Variants in PHF2 observed in about 807,000 individuals in gnomAD.
PHF2 encodes lysine-specific demethylase PHF2.
In PHF2, 27 loss-of-function variants were observed where a neutral mutation model predicts 120.5. The observed-to-expected ratio is 0.22, with a 90% CI of 0.17 to 0.31. PHF2 has a LOEUF of 0.31. Among genes scored for constraint, PHF2 ranks in the 10% least tolerant of loss-of-function variants. The probability of loss-of-function intolerance (pLI) is 1.00; values close to 1 mark genes in which losing one functional copy is unlikely to be tolerated. For synonymous variants in PHF2, 568 were observed against 592.5 expected, an observed-to-expected ratio of 0.96 and a Z score of 0.60; for missense variants, 1,024 against 1,434.8, an observed-to-expected ratio of 0.71 and a Z score of 4.63.
chr9:93,613,733 TG>T (rs1389942619), intron 1 of PHF2, among the ~76,000 whole-genome samples: 3 of 151,992 alleles, frequency 2.0e-5, no homozygotes, highest in African/African-American at 4.8e-5. Context: ...CTACCATGGC[TG>T]GCTAATTTTT....
intron 1 of PHF2, among the ~76,000 whole-genome samples, chr9:93,621,569 G>C (rs1825827299): frequency 6.6e-6 from 1 of 152,210 alleles, no homozygotes; most frequent in Non-Finnish European, 1.5e-5. Flanking sequence ...TCCTAAAGTG[G>C]ACACTGGCCC....
At chr9:93,649,944 A>G (rs984950706) in intron 5 of PHF2, among the ~76,000 whole-genome samples, 1 of 152,110 alleles carries the variant, frequency 6.6e-6, no homozygotes, top group African/African-American at 2.4e-5. Flanking sequence ...TAGACATGAC[A>G]CACTAGTGGA....
At chr9:93,644,959 C>G (rs1167795127) in intron 3 of PHF2, among the ~76,000 whole-genome samples, 2 of 152,118 alleles carry the variant, frequency 1.3e-5, no homozygotes, top group African/African-American at 4.8e-5. Context: ...TGCTCTTGTC[C>G]GGGTCCTTGG....
chr9:93,678,770 A>G lies in PHF2; in HGVS notation c.*1094A>G, dbSNP rs528496195. 6.6e-6 allele frequency: 1 copy of G among 152,666 alleles called. No homozygotes were observed. Among genetic ancestry groups the G allele is most frequent in the South Asian group, 2.1e-4 (1 of 4,842 alleles). The allele number at this position is 152,666 out of a possible 1,614,324, so 9.5% of individuals were successfully genotyped here. ...TTATAAGAGTAAAAGTATCTTTAGG[A>G]ATTTCTTTCTATAGAGTTCTTCATT... On this transcript the variant is annotated 3_prime_UTR_variant, in exon 22 of 22. Coordinates refer to ENST00000359246, the MANE Select transcript of PHF2 (RefSeq NM_005392.4).
intron 3 of PHF2, among the ~76,000 whole-genome samples, chr9:93,637,232 A>G (rs1364934164): frequency 3.9e-5 from 6 of 152,188 alleles, no homozygotes; most frequent in Admixed American, 3.3e-4. Flanking sequence ...GCAAAATCCA[A>G]TGGAACTCTT....
intron 1 of PHF2, among the ~76,000 whole-genome samples, chr9:93,595,842 A>G (rs923678361): frequency 1.3e-5 from 2 of 152,096 alleles, no homozygotes; most frequent in African/African-American, 2.4e-5. Context: ...ATGTTAATCC[A>G]TTTTCTCTAT....
At chr9:93,582,169 T>G (rs1862944023) in intron 1 of PHF2, among the ~76,000 whole-genome samples, 1 of 152,140 alleles carries the variant, frequency 6.6e-6, no homozygotes, top group Non-Finnish European at 1.5e-5. Flanking sequence ...CACACACAGG[T>G]CTCTGGCTTC....
chr9:93,584,816 G>A (rs975114478), intron 1 of PHF2, among the ~76,000 whole-genome samples: 2 of 152,220 alleles, frequency 1.3e-5, no homozygotes, highest in African/African-American at 4.8e-5. Context: ...TGTTCAGCCT[G>A]TAGATTGCTT....
In PHF2 at chr9:93,665,747, G is replaced by A. The variant is rs766637507; in HGVS notation, c.1999G>A (p.Glu667Lys). ...GTTCGGGGCCTTGCAGAACTTCAAG[G>A]AGGACAAGCCCAAGCCCGTGCGGGA... ...GVFGALQNFK[E>K]DKPKPVRDEY... The change falls in exon 15 of 22, where the codon GAG becomes AAG. Residue 667 changes from glutamate (E) to lysine (K), a missense_variant. By Grantham distance (56) the Glu-to-Lys change is moderately conservative. This residue lies in a region of PHF2 where 677 missense variants were observed against 857.4 expected (regional missense o/e 0.79). Coordinates refer to ENST00000359246, the MANE Select transcript of PHF2 (RefSeq NM_005392.4). The A allele has an allele frequency of 2.2e-5, 35 of 1,614,004 alleles. No homozygotes were observed. Among genetic ancestry groups the A allele is most frequent in the Non-Finnish European group, 2.8e-5 (33 of 1,180,040 alleles).
intron 1 of PHF2, among the ~76,000 whole-genome samples, chr9:93,581,139 T>A (rs1862922691): frequency 6.6e-6 from 1 of 152,156 alleles, no homozygotes; most frequent in Admixed American, 6.5e-5. Flanking sequence ...CCTGCCCTCC[T>A]CCTCAGGGCC....
At chr9:93,583,915 G>A (rs571778975) in intron 1 of PHF2, among the ~76,000 whole-genome samples, 7 of 144,852 alleles carry the variant, frequency 4.8e-5, no homozygotes, top group Non-Finnish European at 1.0e-4. Flanking sequence ...CACAACCTCT[G>A]CCTCCCTGGT....
intron 1 of PHF2, among the ~76,000 whole-genome samples, chr9:93,580,132 C>T (rs922583899): frequency 2.0e-5 from 3 of 152,170 alleles, no homozygotes; most frequent in South Asian, 2.1e-4. Flanking sequence ...ACCAAGTTCT[C>T]GCAAGATTCC....
Position 93,676,768 on chromosome 9 carries a change from G to A in PHF2, c.3007G>A (p.Ala1003Thr). ...PASTSTASSQ[A>T]SQEGSSPEPP... The stretch of plus-strand genomic sequence containing the variant: ...CTCCACCAGCACGGCCAGCAGCCAG[G>A]CCTCGCAGGAGGGCAGCTCGCCAGA... The change falls in exon 21 of 22, where the codon GCC becomes ACC. Residue 1003 changes from alanine to threonine, a missense_variant. By Grantham distance (58) the Ala-to-Thr change is moderately conservative. Transcript: ENST00000359246. 6.5e-7 allele frequency: 1 copy of A among 1,530,706 alleles called. No individual in the cohort carries two copies. The highest frequency in any genetic ancestry group is 2.5e-5 in the East Asian group (1 of 40,516). The allele number at this position is 1,530,706 out of a possible 1,614,324, so 94.8% of individuals were successfully genotyped here. A position where few individuals can be genotyped will look rare whatever the true frequency, so the allele number is the denominator to read the frequency against.
chr9:93,658,360 C>T (rs1826497050), intron 10 of PHF2, 124 bp downstream of exon 10: 6 of 774,684 alleles, frequency 7.7e-6, no homozygotes, highest in Admixed American at 4.2e-5. Context: ...CTGGGAAGGA[C>T]GGTGGTGCTC....
chr9:93,589,013 A>G (rs1166040258), intron 1 of PHF2, among the ~76,000 whole-genome samples: 2 of 152,206 alleles, frequency 1.3e-5, no homozygotes, highest in Non-Finnish European at 2.9e-5. Context: ...TTGAAGGGCC[A>G]TCCTTTACTC....
chr9:93,585,887 C>T (rs905622579), intron 1 of PHF2, among the ~76,000 whole-genome samples: 1 of 152,218 alleles, frequency 6.6e-6, no homozygotes, highest in South Asian at 2.1e-4. Flanking sequence ...GAACGTGGGG[C>T]CTGGTGGGAA....
chr9:93,621,190 C>T (rs10992806), intron 1 of PHF2, among the ~76,000 whole-genome samples: 1 of 152,008 alleles, frequency 6.6e-6, no homozygotes, highest in Admixed American at 6.5e-5. Flanking sequence ...CTTGGAGGGG[C>T]AGGAGGGGCA....
At chr9:93,671,362 G>T (rs1646975362) in intron 17 of PHF2, among the ~76,000 whole-genome samples, 1 of 143,294 alleles carries the variant, frequency 7.0e-6, no homozygotes, top group African/African-American at 2.6e-5. Context: ...AGGTGTAGAT[G>T]CAGGTGTGGG....
chr9:93,599,177 G>A (rs1825388373), intron 1 of PHF2, among the ~76,000 whole-genome samples: 2 of 152,234 alleles, frequency 1.3e-5, no homozygotes, highest in Admixed American at 6.5e-5. Flanking sequence ...GCATGCACCT[G>A]CAGGGGCTCT....
Sources: allele counts gnomAD v4.1 joint callset (sites outside exome capture counted in the v4.1 genomes callset), GRCh38; gene constraint gnomAD v4.1.1; regional missense constraint gnomAD v4.1.1; transcripts MANE v1.5; gene names NCBI Gene and HGNC (gene_info 2026-07-23, HGNC 2026-07-21).